Variants in FHIP2A observed in about 807,000 individuals in gnomAD.
The protein encoded by FHIP2A is family with sequence similarity 160 member B1.
FHIP2A carries 46 observed loss-of-function variants against 93.5 expected under a neutral mutation model. That is an observed-to-expected ratio of 0.49 (90% CI 0.39 to 0.63). The LOEUF (loss-of-function observed/expected upper bound fraction) is 0.63, where lower values mean the gene tolerates loss of function less well. FHIP2A is among the 20% of genes least tolerant of loss of function. The pLI is 0.00. For missense variants in FHIP2A, 769 were observed against 909.7 expected, an observed-to-expected ratio of 0.85 and a Z score of 1.99; for synonymous variants, 332 against 326.5, an observed-to-expected ratio of 1.02 and a Z score of -0.18.
At chr10:114,828,960 A>C (rs2083592781) in intron 1 of FHIP2A, among the ~76,000 whole-genome samples, 1 of 152,222 alleles carries the variant, frequency 6.6e-6, no homozygotes, top group Non-Finnish European at 1.5e-5. Flanking sequence ...TTTATGACCA[A>C]TATTTCTAAT....
At chr10:114,830,999 A>C (rs2083604631) in intron 2 of FHIP2A, 69 bp downstream of exon 2, 1 of 869,252 alleles carries the variant, frequency 1.2e-6, no homozygotes, top group Non-Finnish European at 1.8e-6. Context: ...AAATACTAAA[A>C]TATTTTTAAG....
rs1483862908 is a variant in FHIP2A, at chr10:114,856,677, A to ACAAC, written c.1947+1338_1947+1339insAACC. 5.4e-4 allele frequency among the ~76,000 whole-genome samples: 82 copies of ACAAC among 152,324 alleles called. 1 individual carries two copies. The highest frequency in any genetic ancestry group is 3.4e-3 in the Middle Eastern group (1 of 294). On this transcript the variant is annotated intron_variant, in intron 14 of 16. Coordinates refer to ENST00000369248, the MANE Select transcript of FHIP2A (RefSeq NM_020940.4). ...CTACCCTGAATCTTCAACCTTGAGC[A>ACAAC]CTTTTTCTCTAGTTTGTGGAGTGCT...
Position 114,864,153 on chromosome 10 carries a change from G to A in FHIP2A, c.*2613G>A, listed in dbSNP as rs796129172. 1.4e-5 allele frequency: 14 copies of A among 980,848 alleles called. No homozygotes were observed. Among genetic ancestry groups the A allele is most frequent in the East Asian group, 2.3e-4 (2 of 8,784 alleles). The allele number at this position is 980,848 out of a possible 1,614,324, so 60.8% of individuals were successfully genotyped here. On this transcript the variant is annotated 3_prime_UTR_variant, in exon 17 of 17. Coordinates refer to ENST00000369248, the MANE Select transcript of FHIP2A (RefSeq NM_020940.4). ...ATATAAGGACCAAAATTCTTAGCTC[G>A]CTTACACTGTTGCTAGTGTAAACAT...
intron 14 of FHIP2A, among the ~76,000 whole-genome samples, chr10:114,857,785 A>G (rs1335505816): frequency 6.6e-6 from 1 of 152,238 alleles, no homozygotes; most frequent in Non-Finnish European, 1.5e-5. Context: ...TCAAGTATTC[A>G]TAACACTATT....
rs759810050 is a variant in FHIP2A at position 114,822,028 on chromosome 10, G to C, written c.-51G>C. 13 of 1,203,802 alleles carry C rather than the reference G, an allele frequency of 1.1e-5. 1 individual carries two copies. In the South Asian group the frequency reaches 3.5e-4, roughly 33 times the overall value. 74.6% of individuals were successfully genotyped at this position (1,203,802 alleles called of 1,614,324 possible). A position where few individuals can be genotyped will look rare whatever the true frequency, so the allele number is the denominator to read the frequency against. ...GCAGCAGGGGCGGCGGCGGCGGATCGAGGAGCTCTCCAGGTCGTCCCGGGA... is the reference window on the plus strand; with the variant it reads ...GCAGCAGGGGCGGCGGCGGCGGATCCAGGAGCTCTCCAGGTCGTCCCGGGA... On this transcript the variant is annotated 5_prime_UTR_variant, in exon 1 of 17. Transcript: ENST00000369248.
chr10:114,872,018 C>T (rs563758326), intron 16 of FHIP2A, among the ~76,000 whole-genome samples: 91 of 152,296 alleles, frequency 6.0e-4, no homozygotes, highest in Non-Finnish European at 1.2e-3. Context: ...CAAGTCCATA[C>T]GTTGGCCTGA....
intron 10 of FHIP2A, 72 bp downstream of exon 10, chr10:114,846,439 T>C (rs1191191472): frequency 6.8e-7 from 1 of 1,466,604 alleles, no homozygotes; most frequent in Non-Finnish European, 9.3e-7. Context: ...ATACTTCAGA[T>C]ATTTTCAATA....
chr10:114,865,426 T>C (rs528851666), downstream of FHIP2A, among the ~76,000 whole-genome samples: 2 of 152,294 alleles, frequency 1.3e-5, no homozygotes, highest in African/African-American at 2.4e-5. Flanking sequence ...AGGTTCTGAA[T>C]TGGAAACAAA....
intron 2 of FHIP2A, among the ~76,000 whole-genome samples, chr10:114,832,873 G>A (rs1344093748): frequency 6.6e-6 from 1 of 151,868 alleles, no homozygotes; most frequent in Non-Finnish European, 1.5e-5. Flanking sequence ...CACCACACAC[G>A]GCTAATTTTT....
chr10:114,848,862 G>A, intron 13 of FHIP2A, 125 bp downstream of exon 13: 1 of 652,384 alleles, frequency 1.5e-6, no homozygotes. Flanking sequence ...TGAGACCTGG[G>A]CCGGGTGCAG....
chr10:114,890,646 G>T (rs1242025708), intron 16 of FHIP2A, among the ~76,000 whole-genome samples: 3 of 146,146 alleles, frequency 2.1e-5, no homozygotes, highest in African/African-American at 7.5e-5. Flanking sequence ...TACCGTATAT[G>T]ACATATACGG....
chr10:114,859,692 ACT>A (rs1261969033), intron 14 of FHIP2A, among the ~76,000 whole-genome samples: 1 of 152,116 alleles, frequency 6.6e-6, no homozygotes, highest in African/African-American at 2.4e-5. Flanking sequence ...TGTTGACATG[ACT>A]CTGTAAAGCC....
At chr10:114,850,576 T>A (rs181252612) in intron 13 of FHIP2A, among the ~76,000 whole-genome samples, 1 of 152,292 alleles carries the variant, frequency 6.6e-6, no homozygotes, top group Non-Finnish European at 1.5e-5. Context: ...GGCATGCACC[T>A]GTAGTTCCAG....
chr10:114,835,792 A>G (rs186983280), intron 4 of FHIP2A, 151 bp downstream of exon 4: 25 of 556,826 alleles, frequency 4.5e-5, no homozygotes, highest in Admixed American at 9.8e-5. Flanking sequence ...TATGCATCAC[A>G]TAGCATTAAG....
chr10:114,885,705 C>T (rs12411997), intron 16 of FHIP2A, among the ~76,000 whole-genome samples: 10,906 of 152,220 alleles, frequency 0.072, 716 homozygotes, highest in African/African-American at 0.15. Flanking sequence ...ATTGCATTTA[C>T]GTAGATTGTA....
intron 1 of FHIP2A, among the ~76,000 whole-genome samples, chr10:114,827,071 AC>A (rs2083581034): frequency 6.6e-6 from 1 of 152,178 alleles, no homozygotes; most frequent in Non-Finnish European, 1.5e-5. Flanking sequence ...CTTTTAGAAC[AC>A]TAGTTTTCAT....
chr10:114,871,633 C>T (rs1429629309), intron 16 of FHIP2A, among the ~76,000 whole-genome samples: 1 of 152,176 alleles, frequency 6.6e-6, no homozygotes, highest in Non-Finnish European at 1.5e-5. Flanking sequence ...TTGCTATTTT[C>T]CTGACTAGAC....
At position 114,843,244 on chromosome 10, in the gene FHIP2A, CT is replaced by C. The variant is rs769410421; in HGVS notation, c.816+23del. 1.5e-5 allele frequency: 23 copies of C among 1,519,602 alleles called. No homozygotes were observed. The highest frequency in any genetic ancestry group is 2.3e-5 in the East Asian group (1 of 43,948). 94.1% of individuals were successfully genotyped at this position (1,519,602 alleles called of 1,614,324 possible). ...GAAGTCCTGTGAGTTATGGTCCTTA[CT>C]TTTTCCCCCCTAACATTATTTCAAT... is the stretch of plus-strand genomic sequence containing the variant. On this transcript the variant is annotated intron_variant, in intron 6 of 16. Coordinates refer to ENST00000369248, the MANE Select transcript of FHIP2A (RefSeq NM_020940.4).
intron 13 of FHIP2A, among the ~76,000 whole-genome samples, chr10:114,851,087 T>C (rs1190653336): frequency 1.3e-5 from 2 of 152,186 alleles, no homozygotes; most frequent in East Asian, 3.9e-4. Context: ...CTAATTTTTG[T>C]ATTTTTAGTA....
Sources: gnomAD v4.1 joint callset for allele counts (sites outside exome capture counted in the v4.1 genomes callset) on GRCh38, gnomAD v4.1.1 for gene constraint, MANE v1.5 for transcripts, NCBI Gene and HGNC (gene_info 2026-07-23, HGNC 2026-07-21) for gene names.